The following ADAMTSL1 variants were observed in gnomAD, a reference collection of about 807,000 sequenced individuals.
The protein encoded by ADAMTSL1 is ADAMTS-like protein 1.
ADAMTSL1 carries 126 observed loss-of-function variants against 201.8 expected under a neutral mutation model. The ratio of observed to expected loss-of-function variants is 0.62; its 90% CI spans 0.54 to 0.72. The LOEUF is 0.72. Among genes scored for constraint, ADAMTSL1 ranks in the 30% least tolerant of loss-of-function variants. The pLI is 0.00. For missense variants in ADAMTSL1, 2,679 were observed against 2,277.8 expected, an observed-to-expected ratio of 1.18 and a Z score of -3.59; for synonymous variants, 1,121 against 903.4, an observed-to-expected ratio of 1.24 and a Z score of -4.32.
chr9:18,670,244 C>A (rs534316879), intron 9 of ADAMTSL1, among the ~76,000 whole-genome samples: 1 of 152,192 alleles, frequency 6.6e-6, no homozygotes, highest in Non-Finnish European at 1.5e-5. Flanking sequence ...TCTGGGCCCC[C>A]ACACTGTCCA....
intron 3 of ADAMTSL1, among the ~76,000 whole-genome samples, chr9:18,564,069 C>T (rs925673487): frequency 3.9e-5 from 6 of 152,160 alleles, no homozygotes; most frequent in Non-Finnish European, 8.8e-5. Flanking sequence ...ATGAAAAAAA[C>T]TCCTGCAGCT....
intron 2 of ADAMTSL1, among the ~76,000 whole-genome samples, chr9:18,457,630 G>A (rs562781057): frequency 1.5e-4 from 23 of 152,258 alleles, no homozygotes; most frequent in African/African-American, 4.8e-4. Context: ...CTCTGCACCC[G>A]ACCAGAAGAA....
Position 18,596,670 on chromosome 9 carries a change from T to G in ADAMTSL1, c.474+22404T>G, listed in dbSNP as rs1283149817. ...ATGTGAGGTGATATTGTTACAATTTTATAGAGGAGGAAAATGAGGTTATGA... is the reference window on the plus strand; with the variant it reads ...ATGTGAGGTGATATTGTTACAATTTGATAGAGGAGGAAAATGAGGTTATGA... On this transcript the variant is annotated intron_variant, in intron 4 of 28. Coordinates refer to ENST00000380548, the MANE Select transcript of ADAMTSL1 (RefSeq NM_001040272.6). Among the ~76,000 whole-genome samples the G allele has an allele frequency of 1.3e-4, 20 of 152,206 alleles. No individual in the cohort carries two copies. The East Asian group carries it at 3.8e-3, about 29-fold the overall frequency.
In ADAMTSL1 at chr9:18,657,738, AC is replaced by A; in HGVS notation, c.936del (p.Cys313ValfsTer7). On this transcript the variant is annotated frameshift_variant, in exon 8 of 29. Transcript: ENST00000380548. LOFTEE classifies it high-confidence loss of function. The part of the protein sequence containing the change: ...RETDFFPCSA[T>X]CGGGYQLTSA... ...GACGGATTTCTTTCCTTGCTCAGCA[AC>A]CTGTGGAGGAGGTAATGGTGTTCAC... The A allele has an allele frequency of 6.2e-7, 1 of 1,613,310 alleles. No homozygotes were observed. The highest frequency in any genetic ancestry group is 8.5e-7 in the Non-Finnish European group (1 of 1,179,288).
At chr9:18,425,540 G>GTTCT (rs1255659441) in intron 2 of ADAMTSL1, among the ~76,000 whole-genome samples, 1 of 152,120 alleles carries the variant, frequency 6.6e-6, no homozygotes, top group Non-Finnish European at 1.5e-5. Context: ...TACAGCAATA[G>GTTCT]TTCTGTGTGG....
At chr9:18,079,637 G>T (rs911628116) in intron 1 of ADAMTSL1, among the ~76,000 whole-genome samples, 21 of 151,220 alleles carry the variant, frequency 1.4e-4, no homozygotes, top group Non-Finnish European at 2.9e-4. Context: ...AGCCGAGATC[G>T]CACCACTGCA....
At chr9:18,544,162 A>G (rs1209795571) in intron 3 of ADAMTSL1, among the ~76,000 whole-genome samples, 1 of 152,176 alleles carries the variant, frequency 6.6e-6, no homozygotes, top group Admixed American at 6.6e-5. Flanking sequence ...GTATTCCTTT[A>G]TAGAAATCAG....
At chr9:18,110,398 A>G (rs1407387245) in intron 1 of ADAMTSL1, among the ~76,000 whole-genome samples, 1 of 152,166 alleles carries the variant, frequency 6.6e-6, no homozygotes, top group Non-Finnish European at 1.5e-5. Context: ...AGGCAGGTTT[A>G]GAGAATCTCC....
Position 18,680,837 on chromosome 9 carries a change from G to A in ADAMTSL1, c.1341+321G>A, listed in dbSNP as rs573647628. ...GAATGATCCCGAATCTGTAAAAGCT[G>A]CTTTGATGATAGAGCTCAGTAGACC... On this transcript the variant is annotated intron_variant, in intron 11 of 28. Transcript: ENST00000380548. The A allele has an allele frequency of 4.6e-5, 16 of 349,676 alleles. No individual in the cohort carries two copies. In the East Asian group the frequency reaches 8.4e-4, roughly 18 times the overall value. The allele number at this position is 349,676 out of a possible 1,614,324, so 21.7% of individuals were successfully genotyped here. A position where few individuals can be genotyped will look rare whatever the true frequency, so the allele number is the denominator to read the frequency against.
In ADAMTSL1 at chr9:18,883,300, A is replaced by G. The variant is rs376998567; in HGVS notation, c.4250-4531A>G. 7.9e-5 allele frequency among the ~76,000 whole-genome samples: 12 copies of G among 152,294 alleles called. 1 individual carries two copies. The highest frequency in any genetic ancestry group is 6.5e-4 in the Admixed American group (10 of 15,300). On this transcript the variant is annotated intron_variant, in intron 23 of 28. Coordinates refer to ENST00000380548, the MANE Select transcript of ADAMTSL1 (RefSeq NM_001040272.6). ...ACATTTCTCTCATCTTCCTCTTGGG[A>G]TCATCAGGCCAGTCCCGGCATGACT...
chr9:17,964,930 G>A (rs1384548603), intron 1 of ADAMTSL1, among the ~76,000 whole-genome samples: 2 of 151,998 alleles, frequency 1.3e-5, no homozygotes, highest in African/African-American at 4.8e-5. Context: ...GAGTGCAGTG[G>A]CGTGATCTTG....
chr9:18,019,129 A>G (rs1250029182), intron 1 of ADAMTSL1, among the ~76,000 whole-genome samples: 2 of 152,098 alleles, frequency 1.3e-5, no homozygotes, highest in African/African-American at 4.8e-5. Context: ...CAGAAAGTTT[A>G]GCAACACTCT....
chr9:18,356,333 G>A (rs1836226297), intron 2 of ADAMTSL1, among the ~76,000 whole-genome samples: 1 of 151,886 alleles, frequency 6.6e-6, no homozygotes, highest in Admixed American at 6.6e-5. Flanking sequence ...TGATGGTGGG[G>A]TTTCACCAGG....
chr9:18,544,442 AT>A (rs1484462701), intron 3 of ADAMTSL1, among the ~76,000 whole-genome samples: 15 of 152,256 alleles, frequency 9.9e-5, no homozygotes, highest in African/African-American at 3.6e-4. Flanking sequence ...AGTAAAACTG[AT>A]TTCTGTTTGA....
At chr9:18,523,890 T>A (rs1402861307) in intron 2 of ADAMTSL1, among the ~76,000 whole-genome samples, 2 of 135,256 alleles carry the variant, frequency 1.5e-5, no homozygotes, top group African/African-American at 5.5e-5. Context: ...CCTCCAGCTT[T>A]GTTCGTTTGG....
At chr9:18,873,909 T>C (rs995020028) in intron 23 of ADAMTSL1, among the ~76,000 whole-genome samples, 18 of 152,202 alleles carry the variant, frequency 1.2e-4, no homozygotes, top group Non-Finnish European at 2.6e-4. Context: ...TTCACAATAT[T>C]GATTCTACCC....
intron 13 of ADAMTSL1, among the ~76,000 whole-genome samples, chr9:18,686,964 A>G (rs1830878031): frequency 6.6e-6 from 1 of 152,248 alleles, no homozygotes; most frequent in Non-Finnish European, 1.5e-5. Flanking sequence ...TTGAAAGTAT[A>G]GCCATATATT....
chr9:18,361,856 A>G (rs756038484), intron 2 of ADAMTSL1, among the ~76,000 whole-genome samples: 57 of 152,290 alleles, frequency 3.7e-4, no homozygotes, highest in Non-Finnish European at 7.6e-4. Context: ...AGCCTGCATT[A>G]CAAATTCATC....
intron 2 of ADAMTSL1, among the ~76,000 whole-genome samples, chr9:18,170,456 C>T (rs1025535209): frequency 4.0e-5 from 6 of 151,830 alleles, no homozygotes; most frequent in Non-Finnish European, 1.5e-5. Context: ...TAGAAAGGTA[C>T]CACTTACAGT....
Sources: gnomAD v4.1 joint callset for allele counts (sites outside exome capture counted in the v4.1 genomes callset) on GRCh38, gnomAD v4.1.1 for gene constraint, MANE v1.5 for transcripts, NCBI Gene and HGNC (gene_info 2026-07-23, HGNC 2026-07-21) for gene names.